NLGN1: variants seen among roughly 807,000 people sequenced by gnomAD.
NLGN1 encodes neuroligin 1, also known as neuroligin-1.
In NLGN1, 12 loss-of-function variants were observed where a neutral mutation model predicts 65.5. The observed-to-expected ratio is 0.18, with a 90% CI of 0.12 to 0.30. The LOEUF (loss-of-function observed/expected upper bound fraction) is 0.30, where lower values mean the gene tolerates loss of function less well. Among genes scored for constraint, NLGN1 ranks in the 10% least tolerant of loss-of-function variants. NLGN1 has a pLI of 1.00. For missense variants in NLGN1, 750 were observed against 1,007.1 expected, an observed-to-expected ratio of 0.74 and a Z score of 3.46; for synonymous variants, 350 against 359.5, an observed-to-expected ratio of 0.97 and a Z score of 0.30.
At chr3:173,564,631 T>G (rs1327534622) in intron 2 of NLGN1, among the ~76,000 whole-genome samples, 34 of 152,216 alleles carry the variant, frequency 2.2e-4, no homozygotes, top group Admixed American at 2.2e-3. Context: ...GATAGCAGCC[T>G]CAGAAGATGG....
At chr3:173,512,681 G>C (rs890969625) in intron 2 of NLGN1, among the ~76,000 whole-genome samples, 1 of 152,128 alleles carries the variant, frequency 6.6e-6, no homozygotes, top group Non-Finnish European at 1.5e-5. Context: ...TCTCACTTTG[G>C]GCTGCGAGTT....
chr3:173,682,960 A>G (rs531148519), intron 3 of NLGN1, among the ~76,000 whole-genome samples: 2 of 152,330 alleles, frequency 1.3e-5, no homozygotes, highest in South Asian at 2.1e-4. Flanking sequence ...ATGAGAGACT[A>G]TTTAGAGATT....
chr3:174,088,633 G>A (rs1167738315), intron 4 of NLGN1, among the ~76,000 whole-genome samples: 1 of 151,424 alleles, frequency 6.6e-6, no homozygotes, highest in Non-Finnish European at 1.5e-5. Flanking sequence ...GGTGCCTGTA[G>A]TCCCAGCTAC....
chr3:174,009,597 T>C (rs1292028512), intron 4 of NLGN1, among the ~76,000 whole-genome samples: 1 of 152,174 alleles, frequency 6.6e-6, no homozygotes, highest in East Asian at 1.9e-4. Context: ...ACTTCAAAGC[T>C]CACATTCTTA....
intron 4 of NLGN1, among the ~76,000 whole-genome samples, chr3:173,986,552 A>G (rs1017332219): frequency 6.6e-6 from 1 of 152,174 alleles, no homozygotes; most frequent in Non-Finnish European, 1.5e-5. Context: ...GGAAGATAAT[A>G]TAAAGATACA....
intron 4 of NLGN1, among the ~76,000 whole-genome samples, chr3:174,193,577 G>T (rs1405793040): frequency 6.6e-6 from 1 of 152,154 alleles, no homozygotes; most frequent in African/African-American, 2.4e-5. Flanking sequence ...TTCGTCCTGT[G>T]CCTCTTGATG....
At chr3:173,500,920 A>C (rs1730992663) in intron 2 of NLGN1, among the ~76,000 whole-genome samples, 1 of 151,936 alleles carries the variant, frequency 6.6e-6, no homozygotes, top group Non-Finnish European at 1.5e-5. Flanking sequence ...TTCATTAGGA[A>C]GGGAACCAGG....
At chr3:173,480,899 A>G (rs989040349) in intron 2 of NLGN1, among the ~76,000 whole-genome samples, 3 of 152,148 alleles carry the variant, frequency 2.0e-5, no homozygotes, top group African/African-American at 2.4e-5. Flanking sequence ...TAAGTGCTTC[A>G]TAAGCACAAT....
chr3:173,831,505 T>A (rs1478135722), intron 4 of NLGN1, among the ~76,000 whole-genome samples: 1 of 152,206 alleles, frequency 6.6e-6, no homozygotes, highest in African/African-American at 2.4e-5. Context: ...TGCATTGTAC[T>A]GATGGCTCAG....
At chr3:173,791,973 G>A (rs1290612908) in intron 3 of NLGN1, among the ~76,000 whole-genome samples, 1 of 152,134 alleles carries the variant, frequency 6.6e-6, no homozygotes, top group African/African-American at 2.4e-5. Context: ...TCTGTAGTAT[G>A]TAGTATATGC....
intron 3 of NLGN1, among the ~76,000 whole-genome samples, chr3:173,699,611 CAG>C (rs1313268140): frequency 6.6e-6 from 1 of 152,206 alleles, no homozygotes. Context: ...TTAAAAGTCA[CAG>C]ATCCAAATCC....
chr3:173,844,537 G>A (rs1725383871), intron 4 of NLGN1, among the ~76,000 whole-genome samples: 1 of 152,118 alleles, frequency 6.6e-6, no homozygotes, highest in South Asian at 2.1e-4. Context: ...TGAAACACAA[G>A]GAAGAAGCTG....
At chr3:173,661,657 A>G (rs1478241981) in intron 3 of NLGN1, among the ~76,000 whole-genome samples, 1 of 151,986 alleles carries the variant, frequency 6.6e-6, no homozygotes, top group Non-Finnish European at 1.5e-5. Flanking sequence ...TTATGTTGTG[A>G]TTAGAGAAAT....
At position 174,181,840 on chromosome 3, in the gene NLGN1, G is replaced by A. The variant is rs141715960; in HGVS notation, c.647-93475G>A. 2.2e-3 allele frequency among the ~76,000 whole-genome samples: 319 copies of A among 145,626 alleles called. 1 individual carries two copies. The highest frequency in any genetic ancestry group is 7.8e-3 in the African/African-American group (301 of 38,480). On this transcript the variant is annotated intron_variant, in intron 4 of 6. Coordinates refer to ENST00000457714, the Ensembl canonical transcript of NLGN1. ...GTACACACAAAACTTAGCCAGCATG[G>A]CGGCATGTGCCTGTAGTCCCAGCTA...
chr3:174,225,083 G>T, intron 4 of NLGN1, among the ~76,000 whole-genome samples: 1 of 152,096 alleles, frequency 6.6e-6, no homozygotes, highest in East Asian at 1.9e-4. Flanking sequence ...AAATATCTCA[G>T]TAATCCCTTA....
chr3:173,780,966 C>A lies in NLGN1; in HGVS notation c.494-26714C>A, dbSNP rs546921850. Among the ~76,000 whole-genome samples the A allele has an allele frequency of 1.6e-4, 24 of 151,712 alleles. No individual in the cohort carries two copies. In the East Asian group the frequency reaches 3.7e-3, roughly 23 times the overall value. ...ACCATCATGCCTAACACGGTGAAAC[C>A]CCGTCTCTAGTAAAAAATACAAAAA... On this transcript the variant is annotated intron_variant, in intron 3 of 6. Transcript: ENST00000457714.
At chr3:174,289,975 A>ATATGTGTATATATATATG (rs1752574312), downstream of NLGN1, among the ~76,000 whole-genome samples, 27 of 114,104 alleles carry the variant, frequency 2.4e-4, no homozygotes, top group African/African-American at 5.4e-4. Flanking sequence ...ATATGTATAT[A>ATATGTGTATATATATATG]TATATATATA....
chr3:173,726,852 AAC>A (rs1007300400), intron 3 of NLGN1, among the ~76,000 whole-genome samples: 2 of 151,970 alleles, frequency 1.3e-5, no homozygotes, highest in African/African-American at 4.8e-5. Context: ...TAAAATTAAT[AAC>A]AGTCAGTAGT....
chr3:174,193,107 G>T (rs531405031), intron 4 of NLGN1, among the ~76,000 whole-genome samples: 11 of 152,208 alleles, frequency 7.2e-5, no homozygotes, highest in African/African-American at 2.6e-4. Flanking sequence ...CTTTGTATCT[G>T]TAGTGCCATG....
Sources: gnomAD v4.1 joint callset for allele counts (sites outside exome capture counted in the v4.1 genomes callset) on GRCh38, gnomAD v4.1.1 for gene constraint, MANE v1.5 for transcripts, NCBI Gene and HGNC (gene_info 2026-07-23, HGNC 2026-07-21) for gene names.